SHISA6: variants seen among roughly 807,000 people sequenced by gnomAD.
SHISA6 encodes protein shisa-6.
Under a neutral mutation model 47.9 loss-of-function variants are expected in SHISA6, and 22 were observed. That is an observed-to-expected ratio of 0.46 (90% CI 0.33 to 0.66). The LOEUF (loss-of-function observed/expected upper bound fraction) is 0.66, where lower values mean the gene tolerates loss of function less well. Among genes scored for constraint, SHISA6 ranks in the 30% least tolerant of loss-of-function variants. The pLI is 0.02. For missense variants in SHISA6, 680 were observed against 764.6 expected, an observed-to-expected ratio of 0.89 and a Z score of 1.30; for synonymous variants, 388 against 337.8, an observed-to-expected ratio of 1.15 and a Z score of -1.63.
At chr17:11,297,125 G>A (rs1457796359) in intron 2 of SHISA6, among the ~76,000 whole-genome samples, 1 of 152,068 alleles carries the variant, frequency 6.6e-6, no homozygotes, top group Non-Finnish European at 1.5e-5. Flanking sequence ...GGTGCTGGGG[G>A]CATATGGAAT....
At chr17:11,517,525 C>T (rs549011539) in intron 3 of SHISA6, among the ~76,000 whole-genome samples, 5 of 152,250 alleles carry the variant, frequency 3.3e-5, no homozygotes, top group South Asian at 2.1e-4. Flanking sequence ...GTTATGGAAT[C>T]GGGTTCTTGC....
At chr17:11,500,849 G>A (rs1384853095) in intron 3 of SHISA6, among the ~76,000 whole-genome samples, 1 of 152,118 alleles carries the variant, frequency 6.6e-6, no homozygotes, top group Non-Finnish European at 1.5e-5. Context: ...GGGTCTACAG[G>A]GAAACTGGAA....
chr17:11,301,078 T>A (rs1447455513), intron 2 of SHISA6, among the ~76,000 whole-genome samples: 1 of 152,154 alleles, frequency 6.6e-6, no homozygotes, highest in Non-Finnish European at 1.5e-5. Flanking sequence ...AGTCCCGTGC[T>A]CAGCTTCACT....
At chr17:11,484,669 G>A (rs1916302895) in intron 3 of SHISA6, among the ~76,000 whole-genome samples, 1 of 152,154 alleles carries the variant, frequency 6.6e-6, no homozygotes, top group African/African-American at 2.4e-5. Context: ...AAAGTGCTGG[G>A]ATTACAGGTG....
At chr17:11,379,566 G>C in intron 3 of SHISA6, 57 bp downstream of exon 3, 2 of 1,207,510 alleles carry the variant, frequency 1.7e-6, no homozygotes, top group Non-Finnish European at 2.3e-6. Context: ...AACGCCATCT[G>C]AAATGAGAAG....
intron 2 of SHISA6, among the ~76,000 whole-genome samples, chr17:11,378,217 GA>G (rs1309228549): frequency 2.0e-5 from 3 of 152,108 alleles, no homozygotes; most frequent in Admixed American, 6.6e-5. Flanking sequence ...TATTCATACG[GA>G]AAAAACACTT....
intron 3 of SHISA6, among the ~76,000 whole-genome samples, chr17:11,466,410 A>C (rs1238106316): frequency 6.6e-6 from 1 of 152,050 alleles, no homozygotes; most frequent in Admixed American, 6.5e-5. Context: ...GCAGCCCCCC[A>C]CCCAAGGTCC....
In SHISA6 at chr17:11,319,029, T is replaced by G. The variant is rs1370453818; in HGVS notation, c.799+55503T>G. Among the ~76,000 whole-genome samples the G allele has an allele frequency of 2.0e-5, 3 of 152,142 alleles. No individual in the cohort carries two copies. In the East Asian group the frequency reaches 5.8e-4, roughly 29 times the overall value. ...TAGTATTCAGCTCTTCATTGGTTTTTGTTTTTATTATATTTTATTTTCTAA... is the reference window on the plus strand; with the variant it reads ...TAGTATTCAGCTCTTCATTGGTTTTGGTTTTTATTATATTTTATTTTCTAA... On this transcript the variant is annotated intron_variant, in intron 2 of 5. Transcript: ENST00000441885.
chr17:11,292,824 A>ATTT lies in SHISA6; in HGVS notation c.799+29313_799+29315dup, dbSNP rs35397647. On this transcript the variant is annotated intron_variant, in intron 2 of 5. Coordinates refer to ENST00000441885, the MANE Select transcript of SHISA6 (RefSeq NM_207386.4). ...TCAAGCAGGAGCCACAATCAGATTG[A>ATTT]TTTTTTTTTTTTTTTTTGAGATGGA... 1.0e-3 allele frequency among the ~76,000 whole-genome samples: 137 copies of ATTT among 135,634 alleles called. 2 individuals carry two copies. In the Middle Eastern group the frequency reaches 0.012, roughly 12 times the overall value. The allele number at this position is 135,634 out of a possible 152,430, so 89.0% of individuals were successfully genotyped here. A position where few individuals can be genotyped will look rare whatever the true frequency, so the allele number is the denominator to read the frequency against.
At chr17:11,392,545 C>T (rs1913420881) in intron 3 of SHISA6, among the ~76,000 whole-genome samples, 1 of 152,192 alleles carries the variant, frequency 6.6e-6, no homozygotes, top group Non-Finnish European at 1.5e-5. Context: ...GATCTCCATA[C>T]ACACCTAGAC....
At chr17:11,358,753 C>T (rs1049680724) in intron 2 of SHISA6, among the ~76,000 whole-genome samples, 3 of 151,420 alleles carry the variant, frequency 2.0e-5, no homozygotes, top group Non-Finnish European at 4.4e-5. Flanking sequence ...TCACTGCAAC[C>T]TCTGCTTTCT....
At chr17:11,433,257 G>A (rs555798939) in intron 3 of SHISA6, among the ~76,000 whole-genome samples, 59 of 152,014 alleles carry the variant, frequency 3.9e-4, no homozygotes, top group South Asian at 2.9e-3. Context: ...GACAGGCCCC[G>A]GTGGGTGATG....
intron 3 of SHISA6, among the ~76,000 whole-genome samples, chr17:11,391,710 T>G (rs1449442528): frequency 6.6e-6 from 1 of 152,202 alleles, no homozygotes; most frequent in Non-Finnish European, 1.5e-5. Context: ...GTTTCACTGT[T>G]GCAGGCCTCA....
rs554916269 is a variant in SHISA6, at chr17:11,412,822, G to A, written c.895+33313G>A. On this transcript the variant is annotated intron_variant, in intron 3 of 5. Coordinates refer to ENST00000441885, the MANE Select transcript of SHISA6 (RefSeq NM_207386.4). Reference sequence around the variant, plus strand: ...CCCACCACCCCTGGGCCCGGGTGTGGCCTTTCTTTCCTTTACATGCTGGCA... The same window carrying A: ...CCCACCACCCCTGGGCCCGGGTGTGACCTTTCTTTCCTTTACATGCTGGCA... Among the ~76,000 whole-genome samples the A allele has an allele frequency of 3.4e-4, 52 of 152,286 alleles. No homozygotes were observed. In the South Asian group the frequency reaches 6.6e-3, roughly 19 times the overall value.
At chr17:11,431,658 T>C (rs1181227812) in intron 3 of SHISA6, among the ~76,000 whole-genome samples, 2 of 152,332 alleles carry the variant, frequency 1.3e-5, no homozygotes, top group South Asian at 2.1e-4. Context: ...ACTGTAGCGA[T>C]TGATCTTGTC....
intron 3 of SHISA6, among the ~76,000 whole-genome samples, chr17:11,508,549 C>G (rs1281115545): frequency 1.5e-5 from 2 of 130,286 alleles, no homozygotes; most frequent in Admixed American, 1.5e-4. Flanking sequence ...CCCTCCCCTC[C>G]TCTCCCCTCC....
chr17:11,299,274 G>A (rs1343932144), intron 2 of SHISA6, among the ~76,000 whole-genome samples: 1 of 152,084 alleles, frequency 6.6e-6, no homozygotes, highest in Non-Finnish European at 1.5e-5. Flanking sequence ...ATTACTGGGT[G>A]CCAGATGCTA....
chr17:11,325,393 G>A (rs954321438), intron 2 of SHISA6, among the ~76,000 whole-genome samples: 4 of 152,212 alleles, frequency 2.6e-5, no homozygotes, highest in African/African-American at 7.2e-5. Context: ...GCGGCTACCC[G>A]AGGGCATTGG....
At chr17:11,353,045 A>G (rs1911943680) in intron 2 of SHISA6, among the ~76,000 whole-genome samples, 1 of 152,188 alleles carries the variant, frequency 6.6e-6, no homozygotes, top group Non-Finnish European at 1.5e-5. Context: ...TCCATATGGC[A>G]GCCCCCAACC....
Sources: allele counts gnomAD v4.1 joint callset (sites outside exome capture counted in the v4.1 genomes callset), GRCh38; gene constraint gnomAD v4.1.1; transcripts MANE v1.5; gene names NCBI Gene and HGNC (gene_info 2026-07-23, HGNC 2026-07-21).